MSRA: variants seen among roughly 807,000 people sequenced by gnomAD.
MSRA encodes mitochondrial peptide methionine sulfoxide reductase.
A neutral mutation model predicts 31.3 loss-of-function variants in MSRA; 54 were observed. That is an observed-to-expected ratio of 1.73 (90% CI 1.39 to 2.17). MSRA has a LOEUF of 2.17. Ranked by LOEUF, MSRA falls within the 30% of genes most tolerant of loss-of-function variation. The probability of loss-of-function intolerance (pLI) is 0.00; values close to 1 mark genes in which losing one functional copy is unlikely to be tolerated. For missense variants in MSRA, 507 were observed against 300.9 expected, an observed-to-expected ratio of 1.69 and a Z score of -5.07; for synonymous variants, 169 against 116.5, an observed-to-expected ratio of 1.45 and a Z score of -2.90.
At chr8:10,344,503 G>A (rs1309182842) in intron 5 of MSRA, among the ~76,000 whole-genome samples, 11 of 147,232 alleles carry the variant, frequency 7.5e-5, no homozygotes, top group Non-Finnish European at 7.4e-5. Flanking sequence ...GAACCTGGGA[G>A]GCGGAGATTG....
chr8:10,147,466 C>A (rs766072372), intron 1 of MSRA, among the ~76,000 whole-genome samples: 1 of 152,158 alleles, frequency 6.6e-6, no homozygotes, highest in African/African-American at 2.4e-5. Context: ...TCTCCCAAGG[C>A]GTGTGGTCCA....
chr8:10,333,469 G>A (rs1405915207), intron 5 of MSRA, among the ~76,000 whole-genome samples: 1 of 152,170 alleles, frequency 6.6e-6, no homozygotes, highest in Non-Finnish European at 1.5e-5. Context: ...TCTTTGGGCG[G>A]AGAAAAACCA....
chr8:10,197,492 C>G (rs777517696), intron 1 of MSRA, among the ~76,000 whole-genome samples: 2 of 152,032 alleles, frequency 1.3e-5, no homozygotes, highest in African/African-American at 4.8e-5. Flanking sequence ...AGAAGTGGGT[C>G]GGGCATTGCG....
intron 1 of MSRA, among the ~76,000 whole-genome samples, chr8:10,194,175 G>A (rs977931916): frequency 6.6e-6 from 1 of 152,086 alleles, no homozygotes; most frequent in African/African-American, 2.4e-5. Flanking sequence ...AAGTAAAAAA[G>A]GGGTGAACCC....
At chr8:10,272,584 C>T (rs1035837047) in intron 3 of MSRA, among the ~76,000 whole-genome samples, 1 of 152,238 alleles carries the variant, frequency 6.6e-6, no homozygotes, top group African/African-American at 2.4e-5. Context: ...TCCAGAAACA[C>T]CCTCACAGGG....
chr8:10,139,885 G>C (rs1802561064), intron 1 of MSRA, among the ~76,000 whole-genome samples: 1 of 152,208 alleles, frequency 6.6e-6, no homozygotes, highest in African/African-American at 2.4e-5. Context: ...CCTCAGTGTT[G>C]TGTGTAAAGT....
chr8:10,079,548 A>T (rs1032998457), intron 1 of MSRA, among the ~76,000 whole-genome samples: 1 of 152,188 alleles, frequency 6.6e-6, no homozygotes, highest in African/African-American at 2.4e-5. Flanking sequence ...CTCCTGGTAG[A>T]AATGAATAGC....
chr8:10,088,468 C>G (rs1448760936), intron 1 of MSRA, among the ~76,000 whole-genome samples: 1 of 151,994 alleles, frequency 6.6e-6, no homozygotes, highest in East Asian at 1.9e-4. Flanking sequence ...GGCGTGGTGG[C>G]TCACACCTGT....
At chr8:10,353,525 C>T (rs1433458331) in intron 5 of MSRA, 1 of 445,432 alleles carries the variant, frequency 2.2e-6, no homozygotes, top group South Asian at 1.6e-5. Flanking sequence ...AGTTGGTCCC[C>T]TGCAGAGCAC....
intron 5 of MSRA, chr8:10,410,966 C>T (rs1275065434): frequency 6.6e-6 from 1 of 152,272 alleles, no homozygotes; most frequent in South Asian, 2.1e-4. Context: ...TCTCCTCCCC[C>T]ACACCCATTT....
chr8:10,153,651 AGGTGAG>A (rs928905157), intron 1 of MSRA, among the ~76,000 whole-genome samples: 1 of 152,130 alleles, frequency 6.6e-6, no homozygotes, highest in African/African-American at 2.4e-5. Context: ...GTGGTAGCAC[AGGTGAG>A]GGTGTCGCCC....
intron 1 of MSRA, chr8:10,095,786 C>T (rs904792004): frequency 1.8e-5 from 21 of 1,191,556 alleles, no homozygotes; most frequent in Non-Finnish European, 1.9e-5. Flanking sequence ...CATACAATGA[C>T]GTTTAGTCAC....
chr8:10,103,917 T>C (rs1334754145), intron 1 of MSRA, among the ~76,000 whole-genome samples: 3 of 152,196 alleles, frequency 2.0e-5, no homozygotes, highest in South Asian at 2.1e-4. Flanking sequence ...TAGAACACTT[T>C]CATGCACATT....
intron 3 of MSRA, among the ~76,000 whole-genome samples, chr8:10,263,625 A>T (rs1798595294): frequency 6.6e-6 from 1 of 152,152 alleles, no homozygotes; most frequent in Admixed American, 6.5e-5. Context: ...ACCGATGTGA[A>T]ACTGGCCCTG....
At chr8:10,346,204 C>A (rs117397236) in intron 5 of MSRA, among the ~76,000 whole-genome samples, 2 of 152,188 alleles carry the variant, frequency 1.3e-5, no homozygotes, top group African/African-American at 4.8e-5. Context: ...TCAGTAAATG[C>A]AGTCTTATCC....
intron 1 of MSRA, among the ~76,000 whole-genome samples, chr8:10,155,458 T>TTC (rs983495883): frequency 2.6e-5 from 4 of 152,046 alleles, no homozygotes. Context: ...TACGCACACA[T>TTC]TCTCTCTCTC....
At chr8:10,306,197 G>T (rs1432619229) in intron 4 of MSRA, among the ~76,000 whole-genome samples, 1 of 151,984 alleles carries the variant, frequency 6.6e-6, no homozygotes, top group Admixed American at 6.6e-5. Flanking sequence ...CATGATTTTG[G>T]CCAGGACACT....
intron 5 of MSRA, among the ~76,000 whole-genome samples, chr8:10,325,543 A>G (rs1802313632): frequency 6.6e-6 from 1 of 152,144 alleles, no homozygotes; most frequent in Non-Finnish European, 1.5e-5. Flanking sequence ...GCATTCATGT[A>G]TTTATGAGGC....
chr8:10,352,886 T>G (rs1316889306), intron 5 of MSRA, among the ~76,000 whole-genome samples: 2 of 152,178 alleles, frequency 1.3e-5, no homozygotes, highest in South Asian at 4.1e-4. Context: ...AAATCGGCTC[T>G]GTCTTGCAAC....
Sources: allele counts gnomAD v4.1 joint callset (sites outside exome capture counted in the v4.1 genomes callset), GRCh38; gene constraint gnomAD v4.1.1; transcripts MANE v1.5; gene names NCBI Gene and HGNC (gene_info 2026-07-23, HGNC 2026-07-21).